SLC16A7: variants seen among roughly 807,000 people sequenced by gnomAD.
The protein encoded by SLC16A7 is monocarboxylate transporter 2.
Under a neutral mutation model 34.9 loss-of-function variants are expected in SLC16A7, and 33 were observed. That is an observed-to-expected ratio of 0.94 (90% CI 0.72 to 1.26). The LOEUF (loss-of-function observed/expected upper bound fraction) is 1.26, where lower values mean the gene tolerates loss of function less well. Among genes scored for constraint, SLC16A7 ranks in the 50% most tolerant of loss-of-function variants. The pLI, the probability that SLC16A7 is intolerant of heterozygous loss-of-function variation, is 0.00. For synonymous variants in SLC16A7, 201 were observed against 206.6 expected, an observed-to-expected ratio of 0.97 and a Z score of 0.23; for missense variants, 573 against 578.1, an observed-to-expected ratio of 0.99 and a Z score of 0.09.
intron 1 of SLC16A7, among the ~76,000 whole-genome samples, chr12:59,640,189 A>G (rs986421004): frequency 2.0e-5 from 3 of 152,150 alleles, no homozygotes; most frequent in Non-Finnish European, 4.4e-5. Flanking sequence ...TCTCAGCCAC[A>G]TGCCAAATTT....
intron 1 of SLC16A7, among the ~76,000 whole-genome samples, chr12:59,603,136 G>T (rs1317945243): frequency 6.6e-6 from 1 of 152,078 alleles, no homozygotes; most frequent in East Asian, 1.9e-4. Context: ...TTTCTATTCT[G>T]TTGTTGCCAG....
chr12:59,721,593 G>A (rs1396722711), intron 3 of SLC16A7, among the ~76,000 whole-genome samples: 1 of 151,920 alleles, frequency 6.6e-6, no homozygotes, highest in East Asian at 1.9e-4. Flanking sequence ...CCATAGTTAT[G>A]TCCTTCCCTT....
intron 2 of SLC16A7, among the ~76,000 whole-genome samples, chr12:59,678,053 G>A (rs942499059): frequency 1.3e-5 from 2 of 152,132 alleles, no homozygotes; most frequent in African/African-American, 4.8e-5. Flanking sequence ...GAGCAGTGAG[G>A]GACATGTGAG....
intron 2 of SLC16A7, among the ~76,000 whole-genome samples, chr12:59,684,825 T>G (rs1327435887): frequency 6.6e-6 from 1 of 152,180 alleles, no homozygotes; most frequent in Non-Finnish European, 1.5e-5. Context: ...ATTGATATAT[T>G]TTATTCCCTA....
intron 2 of SLC16A7, among the ~76,000 whole-genome samples, chr12:59,685,583 T>C (rs1396271803): frequency 6.6e-6 from 1 of 152,168 alleles, no homozygotes; most frequent in Non-Finnish European, 1.5e-5. Context: ...GATATTTTTA[T>C]CCAACAACAT....
At chr12:59,614,426 A>G (rs544801125) in intron 1 of SLC16A7, among the ~76,000 whole-genome samples, 97 of 152,212 alleles carry the variant, frequency 6.4e-4, no homozygotes, top group African/African-American at 2.3e-3. Flanking sequence ...AGTGTTTTGT[A>G]TGTGTTCTTT....
At position 59,645,502 on chromosome 12, in the gene SLC16A7, G is replaced by C. The variant is rs144965761; in HGVS notation, c.-129-9650G>C. On this transcript the variant is annotated intron_variant, in intron 1 of 5. Transcript: ENST00000547379. ...CTTCTTCCTGCTGCCAAGTGAAGAA[G>C]GATGTGTTTGCTTCCCCTTCTACCA... Among the ~76,000 whole-genome samples the C allele has an allele frequency of 2.1e-4, 32 of 152,236 alleles. 1 individual carries two copies. In the East Asian group the frequency reaches 6.0e-3, roughly 29 times the overall value.
intron 1 of SLC16A7, among the ~76,000 whole-genome samples, chr12:59,630,819 A>G (rs1880149678): frequency 6.6e-6 from 1 of 151,938 alleles, no homozygotes; most frequent in African/African-American, 2.4e-5. Flanking sequence ...TTAAATGATT[A>G]AAATCAGTGG....
At chr12:59,661,298 G>C (rs182204405) in intron 2 of SLC16A7, among the ~76,000 whole-genome samples, 47 of 152,206 alleles carry the variant, frequency 3.1e-4, no homozygotes, top group African/African-American at 1.1e-3. Context: ...GTGGGAATTA[G>C]GGAAAGAAGA....
chr12:59,768,249 A>G, intron 3 of SLC16A7: 1 of 454,080 alleles, frequency 2.2e-6, no homozygotes, highest in Non-Finnish European at 4.4e-6. Flanking sequence ...TCAAAATACC[A>G]ACATTAACAG....
chr12:59,718,413 G>C (rs1284131923), intron 3 of SLC16A7, among the ~76,000 whole-genome samples: 6 of 152,130 alleles, frequency 3.9e-5, no homozygotes, highest in South Asian at 4.1e-4. Flanking sequence ...TAGTGGAATA[G>C]TGGTAGGGCA....
At chr12:59,718,585 A>G (rs1414343042) in intron 3 of SLC16A7, among the ~76,000 whole-genome samples, 1 of 152,156 alleles carries the variant, frequency 6.6e-6, no homozygotes, top group African/African-American at 2.4e-5. Flanking sequence ...CTCATATCTC[A>G]TAATTAAATA....
At chr12:59,625,385 C>G (rs1879881829) in intron 1 of SLC16A7, among the ~76,000 whole-genome samples, 1 of 151,668 alleles carries the variant, frequency 6.6e-6, no homozygotes, top group Admixed American at 6.6e-5. Flanking sequence ...GGCTTAGCCT[C>G]AATTATAGAT....
At chr12:59,674,862 T>C (rs1870175925) in intron 2 of SLC16A7, among the ~76,000 whole-genome samples, 1 of 152,210 alleles carries the variant, frequency 6.6e-6, no homozygotes, top group African/African-American at 2.4e-5. Context: ...TATTCTCGTA[T>C]CCCAGATTAC....
chr12:59,747,428 A>G (rs1157224911), intron 3 of SLC16A7, among the ~76,000 whole-genome samples: 1 of 152,212 alleles, frequency 6.6e-6, no homozygotes, highest in Non-Finnish European at 1.5e-5. Flanking sequence ...AAAATTATAA[A>G]ATATTTTTCT....
intron 1 of SLC16A7, among the ~76,000 whole-genome samples, chr12:59,609,964 G>A (rs1879120026): frequency 6.6e-6 from 1 of 152,144 alleles, no homozygotes; most frequent in Non-Finnish European, 1.5e-5. Context: ...ATCACCTCAT[G>A]CAATCCTTAA....
At chr12:59,681,847 G>A (rs1007460705) in intron 2 of SLC16A7, among the ~76,000 whole-genome samples, 6 of 152,032 alleles carry the variant, frequency 3.9e-5, no homozygotes, top group African/African-American at 9.7e-5. Flanking sequence ...GGCCCCTGAG[G>A]AACATGGCTC....
At chr12:59,706,927 G>A (rs1873655084) in intron 3 of SLC16A7, among the ~76,000 whole-genome samples, 1 of 151,552 alleles carries the variant, frequency 6.6e-6, no homozygotes, top group South Asian at 2.1e-4. Flanking sequence ...TTTTAATTAA[G>A]CCAAATCTTA....
chr12:59,719,343 A>G (rs1348040038), intron 3 of SLC16A7, among the ~76,000 whole-genome samples: 3 of 152,172 alleles, frequency 2.0e-5, no homozygotes, highest in Non-Finnish European at 2.9e-5. Flanking sequence ...CCTGAAGAGT[A>G]TGCATTATAT....
Sources: gnomAD v4.1 joint callset for allele counts (sites outside exome capture counted in the v4.1 genomes callset) on GRCh38, gnomAD v4.1.1 for gene constraint, MANE v1.5 for transcripts, NCBI Gene and HGNC (gene_info 2026-07-23, HGNC 2026-07-21) for gene names.